Variants in ZMYM4 observed in about 807,000 individuals in gnomAD.
ZMYM4 encodes the protein zinc finger MYM-type containing 4.
ZMYM4 carries 31 observed loss-of-function variants against 183.2 expected under a neutral mutation model. That is an observed-to-expected ratio of 0.17 (90% CI 0.13 to 0.23). The LOEUF (loss-of-function observed/expected upper bound fraction) is 0.23. Among genes scored for constraint, ZMYM4 ranks in the 10% least tolerant of loss-of-function variants. The pLI is 1.00. For missense variants in ZMYM4, 1,273 were observed against 1,840.3 expected (o/e 0.69, Z 5.64); for synonymous variants, 592 against 631.2 (o/e 0.94, Z 0.93).
At chr1:35,278,849 TC>T in intron 1 of ZMYM4, among the ~76,000 whole-genome samples, 1 of 152,242 alleles carries the variant, frequency 6.6e-6, no homozygotes, top group East Asian at 1.9e-4. Context: ...GATAAAATTC[TC>T]CATCTGTGGA....
intron 1 of ZMYM4, among the ~76,000 whole-genome samples, chr1:35,314,684 T>G (rs1266014746): frequency 1.4e-5 from 2 of 146,128 alleles, no homozygotes; most frequent in East Asian, 4.1e-4. Flanking sequence ...TTTTTTTTGC[T>G]GGGGTAGTTT....
At chr1:35,271,360 GAAA>G (rs200166984) in intron 1 of ZMYM4, among the ~76,000 whole-genome samples, 1 of 142,784 alleles carries the variant, frequency 7.0e-6, no homozygotes. Context: ...AGGAATGCTG[GAAA>G]AAAAAAAAAA....
chr1:35,372,756 A>G (rs748164781), intron 7 of ZMYM4, among the ~76,000 whole-genome samples: 1 of 152,222 alleles, frequency 6.6e-6, no homozygotes, highest in Non-Finnish European at 1.5e-5. Flanking sequence ...CTGAAATTTA[A>G]TGCTCCAATG....
At chr1:35,349,690 C>T (rs1049215140) in intron 2 of ZMYM4, among the ~76,000 whole-genome samples, 1 of 151,486 alleles carries the variant, frequency 6.6e-6, no homozygotes, top group African/African-American at 2.4e-5. Flanking sequence ...ACCAGCCAGG[C>T]GTGGTGGTGG....
chr1:35,396,433 G>A, intron 18 of ZMYM4, 119 bp from the exon 19 acceptor site: 1 of 1,365,804 alleles, frequency 7.3e-7, no homozygotes, highest in Admixed American at 2.4e-5. Flanking sequence ...AAGTCCTGTA[G>A]TGTCATAGGT....
At chr1:35,315,054 A>G (rs78166191) in intron 1 of ZMYM4, among the ~76,000 whole-genome samples, 3,120 of 138,308 alleles carry the variant, frequency 0.023, 106 homozygotes, top group African/African-American at 0.079. Context: ...CAAAAAAAAC[A>G]AAAGTAATTT....
rs558559219 is a variant in ZMYM4 at position 35,336,234 on chromosome 1, A to AT, written c.85+10830dup. On this transcript the variant is annotated intron_variant, in intron 2 of 29. Coordinates refer to ENST00000314607, the MANE Select transcript of ZMYM4 (RefSeq NM_005095.3). Reference sequence around the variant, plus strand: ...GAACCATGTTGAACCTTCTTGTACCATGTTGAACATTCTGATACATGTAGC... The same window carrying AT: ...GAACCATGTTGAACCTTCTTGTACCATTGTTGAACATTCTGATACATGTAGC... Among the ~76,000 whole-genome samples, 61 of 152,152 alleles carry AT rather than the reference A, an allele frequency of 4.0e-4. 1 individual carries two copies. The highest frequency in any genetic ancestry group is 1.4e-3 in the African/African-American group (58 of 41,522).
At chr1:35,356,606 T>G (rs1371686355) in intron 2 of ZMYM4, among the ~76,000 whole-genome samples, 1 of 152,220 alleles carries the variant, frequency 6.6e-6, no homozygotes, top group Non-Finnish European at 1.5e-5. Flanking sequence ...CTCAAATCAT[T>G]ATTTACCCTC....
At chr1:35,376,067 C>T (rs1392029260) in intron 7 of ZMYM4, among the ~76,000 whole-genome samples, 1 of 149,336 alleles carries the variant, frequency 6.7e-6, no homozygotes, top group Non-Finnish European at 1.5e-5. Context: ...CACAGCAGGA[C>T]ACTATCTTTG....
intron 28 of ZMYM4, 150 bp from the exon 29 acceptor site, chr1:35,418,293 T>C: frequency 1.3e-6 from 1 of 766,984 alleles, no homozygotes; most frequent in Non-Finnish European, 2.0e-6. Context: ...GGCACCTTCA[T>C]AGGCACTCAG....
intron 25 of ZMYM4, among the ~76,000 whole-genome samples, chr1:35,405,924 G>C (rs557643967): frequency 6.6e-6 from 1 of 152,082 alleles, no homozygotes; most frequent in Non-Finnish European, 1.5e-5. Flanking sequence ...AAGCAACAGT[G>C]TATAATTTTA....
chr1:35,378,017 A>G (rs1009649454), intron 7 of ZMYM4, among the ~76,000 whole-genome samples: 19 of 152,232 alleles, frequency 1.2e-4, no homozygotes, highest in African/African-American at 4.6e-4. Context: ...TCATTTCACC[A>G]AAGTTCACAG....
At chr1:35,315,128 AT>A (rs1641988764) in intron 1 of ZMYM4, among the ~76,000 whole-genome samples, 2 of 147,492 alleles carry the variant, frequency 1.4e-5, no homozygotes, top group South Asian at 4.2e-4. Flanking sequence ...TATTCTCTAT[AT>A]TCAGTGATAC....
rs546384910 is a variant in ZMYM4, at chr1:35,323,158, C to T, written c.40-2202C>T. Among the ~76,000 whole-genome samples, 12 of 151,994 alleles carry T rather than the reference C, an allele frequency of 7.9e-5. No individual in the cohort carries two copies. The South Asian group carries it at 2.3e-3, about 29-fold the overall frequency. ...CTGGGATTACAGGTGCCCGCCACCACGCCCAGCTAATTTTTGTATTTTCAG... is the reference window on the plus strand; with the variant it reads ...CTGGGATTACAGGTGCCCGCCACCATGCCCAGCTAATTTTTGTATTTTCAG... On this transcript the variant is annotated intron_variant, in intron 1 of 29. Transcript: ENST00000314607.
At chr1:35,292,792 G>A (rs1280858639) in intron 1 of ZMYM4, among the ~76,000 whole-genome samples, 1 of 151,988 alleles carries the variant, frequency 6.6e-6, no homozygotes, top group Non-Finnish European at 1.5e-5. Flanking sequence ...GAGCCACCGC[G>A]CCCTGCGATT....
At chr1:35,295,893 T>C (rs1441556961) in intron 1 of ZMYM4, 2 of 152,188 alleles carry the variant, frequency 1.3e-5, no homozygotes, top group African/African-American at 2.4e-5. Flanking sequence ...TTTTCTGTTA[T>C]ATAGATTAAA....
intron 7 of ZMYM4, among the ~76,000 whole-genome samples, chr1:35,379,632 T>C (rs1419253922): frequency 3.3e-5 from 5 of 152,272 alleles, no homozygotes; most frequent in African/African-American, 1.2e-4. Flanking sequence ...GTGAAATGTT[T>C]GGCGCAAGAG....
intron 5 of ZMYM4, among the ~76,000 whole-genome samples, chr1:35,366,507 A>T (rs2148924595): frequency 6.6e-6 from 1 of 152,352 alleles, no homozygotes; most frequent in East Asian, 1.9e-4. Context: ...ATATTTATGA[A>T]AGAATTAATA....
intron 1 of ZMYM4, among the ~76,000 whole-genome samples, chr1:35,269,821 C>T (rs955986699): frequency 6.6e-6 from 1 of 152,128 alleles, no homozygotes; most frequent in Non-Finnish European, 1.5e-5. Flanking sequence ...GGAAACTTTC[C>T]TTATTTAATT....
Sources: gnomAD v4.1 joint callset for allele counts (sites outside exome capture counted in the v4.1 genomes callset) on GRCh38, gnomAD v4.1.1 for gene constraint, MANE v1.5 for transcripts, NCBI Gene and HGNC (gene_info 2026-07-23, HGNC 2026-07-21) for gene names.